Variants in PTPRD observed in about 807,000 individuals in gnomAD.
The protein encoded by PTPRD is protein tyrosine phosphatase receptor type D, also known as receptor-type tyrosine-protein phosphatase delta.
Under a neutral mutation model 214.5 loss-of-function variants are expected in PTPRD, and 34 were observed. The ratio of observed to expected loss-of-function variants is 0.16; its 90% confidence interval spans 0.12 to 0.21. PTPRD has a LOEUF of 0.21. Among genes scored for constraint, PTPRD ranks in the 10% least tolerant of loss-of-function variants. The pLI, the probability that PTPRD is intolerant of heterozygous loss-of-function variation, is 1.00. For synonymous variants in PTPRD, 1,128 were observed against 845.7 expected, an observed-to-expected ratio of 1.33 and a Z score of -5.79; for missense variants, 2,545 against 2,398.7, an observed-to-expected ratio of 1.06 and a Z score of -1.27.
chr9:10,355,915 T>C (rs2097268433), intron 2 of PTPRD, among the ~76,000 whole-genome samples: 1 of 152,310 alleles, frequency 6.6e-6, no homozygotes, highest in East Asian at 1.9e-4. Context: ...AGAAATTTAA[T>C]GATTGTGTCT....
At chr9:9,997,748 G>T (rs755663458) in intron 4 of PTPRD, among the ~76,000 whole-genome samples, 3 of 152,014 alleles carry the variant, frequency 2.0e-5, no homozygotes, top group African/African-American at 7.3e-5. Flanking sequence ...GGCAAGTATT[G>T]ATATGCTAAT....
rs1402441428 is a variant in PTPRD at position 8,589,742 on chromosome 9, A to G, written c.352+43575T>C. Among the ~76,000 whole-genome samples, 5 of 152,288 alleles carry G rather than the reference A, an allele frequency of 3.3e-5. No homozygotes were observed. The South Asian group carries it at 1.0e-3, about 32-fold the overall frequency. On this transcript the variant is annotated intron_variant, in intron 14 of 45. Transcript: ENST00000381196. ...GGCACGTCTGCCACCTCAGAAATCA[A>G]CAAAGTCATGCTTCCGTTTGAATGA...
At chr9:8,597,938 A>T (rs552658408) in intron 14 of PTPRD, among the ~76,000 whole-genome samples, 1 of 152,186 alleles carries the variant, frequency 6.6e-6, no homozygotes, top group Non-Finnish European at 1.5e-5. Flanking sequence ...CAAAGGACTC[A>T]TCATCCTGAA....
intron 12 of PTPRD, among the ~76,000 whole-genome samples, chr9:8,706,352 T>C (rs1415281717): frequency 1.3e-5 from 2 of 152,166 alleles, no homozygotes; most frequent in East Asian, 3.9e-4. Flanking sequence ...CGAATATTAT[T>C]GTAGTTATTG....
chr9:10,141,972 T>C (rs1191912412), intron 3 of PTPRD, among the ~76,000 whole-genome samples: 1 of 152,128 alleles, frequency 6.6e-6, no homozygotes, highest in African/African-American at 2.4e-5. Flanking sequence ...TAAGGCCGCA[T>C]ATCTACAACT....
At chr9:9,947,561 ATTT>A (rs1194628698) in intron 4 of PTPRD, among the ~76,000 whole-genome samples, 2 of 40,256 alleles carry the variant, frequency 5.0e-5, no homozygotes, top group African/African-American at 1.7e-4. Context: ...TTATATATAT[ATTT>A]TATATATATA....
intron 5 of PTPRD, among the ~76,000 whole-genome samples, chr9:9,912,855 G>A (rs2079600735): frequency 2.0e-5 from 3 of 152,052 alleles, no homozygotes; most frequent in East Asian, 1.9e-4. Context: ...TTTTGCTAAT[G>A]TTCTAACTTC....
intron 11 of PTPRD, among the ~76,000 whole-genome samples, chr9:8,853,647 C>G (rs2097859190): frequency 6.6e-6 from 1 of 152,194 alleles, no homozygotes; most frequent in Admixed American, 6.5e-5. Context: ...TCCTTCTAAG[C>G]AATCTTCTTC....
chr9:8,657,091 G>C (rs1024248940), intron 12 of PTPRD, among the ~76,000 whole-genome samples: 1 of 151,836 alleles, frequency 6.6e-6, no homozygotes, highest in Admixed American at 6.6e-5. Context: ...GTGATGCAGA[G>C]CTTTTCTTTC....
Position 10,039,746 on chromosome 9 carries a change from C to A in PTPRD, c.-544-5956G>T, listed in dbSNP as rs538153044. ...ACTTTTTTTTATTATTCTGCTTTAA[C>A]CCCTTCTGATTGAGATATATTTATC... is the stretch of plus-strand genomic sequence containing the variant. On this transcript the variant is annotated intron_variant, in intron 3 of 45. Coordinates refer to ENST00000381196, the MANE Select transcript of PTPRD (RefSeq NM_002839.4). Among the ~76,000 whole-genome samples, 374 of 151,702 alleles carry A rather than the reference C, an allele frequency of 2.5e-3. 1 individual carries two copies. The highest frequency in any genetic ancestry group is 4.3e-3 in the Non-Finnish European group (294 of 67,888).
chr9:10,593,484 T>C (rs2075979203), intron 2 of PTPRD, among the ~76,000 whole-genome samples: 1 of 152,010 alleles, frequency 6.6e-6, no homozygotes, highest in Non-Finnish European at 1.5e-5. Context: ...TATGACTTCA[T>C]TTCATATTAA....
chr9:9,946,304 A>G (rs560553007), intron 4 of PTPRD, among the ~76,000 whole-genome samples: 7 of 152,186 alleles, frequency 4.6e-5, no homozygotes, highest in Admixed American at 2.6e-4. Flanking sequence ...ATGGGTAAAA[A>G]TGTGTGGACA....
intron 11 of PTPRD, among the ~76,000 whole-genome samples, chr9:8,873,783 G>T (rs1324550291): frequency 6.6e-6 from 1 of 152,150 alleles, no homozygotes; most frequent in Admixed American, 6.5e-5. Flanking sequence ...CAACCCTGCA[G>T]AGAAATATGA....
chr9:10,455,784 C>T (rs2098910352), intron 2 of PTPRD, among the ~76,000 whole-genome samples: 1 of 151,574 alleles, frequency 6.6e-6, no homozygotes, highest in Non-Finnish European at 1.5e-5. Flanking sequence ...CTTTCTTCAT[C>T]ATTTATTTAT....
At chr9:9,031,153 T>C (rs529249058) in intron 10 of PTPRD, among the ~76,000 whole-genome samples, 10 of 152,166 alleles carry the variant, frequency 6.6e-5, no homozygotes, top group African/African-American at 2.4e-4. Flanking sequence ...ATGTGGTGAC[T>C]TGTTGATGGG....
intron 5 of PTPRD, among the ~76,000 whole-genome samples, chr9:9,867,010 T>G (rs2064134824): frequency 6.6e-6 from 1 of 152,192 alleles, no homozygotes; most frequent in African/African-American, 2.4e-5. Context: ...CTTTATAGTA[T>G]TCAAACTTAG....
intron 8 of PTPRD, among the ~76,000 whole-genome samples, chr9:9,488,461 G>C (rs2095754536): frequency 6.6e-6 from 1 of 152,168 alleles, no homozygotes. Context: ...CTGGAGAATA[G>C]TGTTTCTGCT....
At chr9:9,462,402 A>C (rs1254892659) in intron 8 of PTPRD, among the ~76,000 whole-genome samples, 2 of 152,132 alleles carry the variant, frequency 1.3e-5, no homozygotes, top group African/African-American at 4.8e-5. Context: ...TAACTAAAAG[A>C]TTTTGCAGAA....
At chr9:9,072,815 G>A (rs148191625) in intron 10 of PTPRD, among the ~76,000 whole-genome samples, 356 of 152,244 alleles carry the variant, frequency 2.3e-3, no homozygotes, top group African/African-American at 8.2e-3. Flanking sequence ...GTCACATTTT[G>A]CCTTGTGTAT....
Sources: allele counts gnomAD v4.1 joint callset (sites outside exome capture counted in the v4.1 genomes callset), GRCh38; gene constraint gnomAD v4.1.1; transcripts MANE v1.5; gene names NCBI Gene and HGNC (gene_info 2026-07-23, HGNC 2026-07-21).